The following PDPR variants were observed in gnomAD, a reference collection of about 807,000 sequenced individuals.
PDPR encodes the protein pyruvate dehydrogenase phosphatase regulatory subunit.
PDPR carries 50 observed loss-of-function variants against 102.2 expected under a neutral mutation model. The observed-to-expected ratio is 0.49, with a 90% CI of 0.39 to 0.62. PDPR has a LOEUF of 0.62. PDPR is among the 20% of genes least tolerant of loss of function. PDPR has a pLI of 0.00. For missense variants in PDPR, 625 were observed against 1,098.2 expected (o/e 0.57, Z 6.09); for synonymous variants, 259 against 406.0 (o/e 0.64, Z 4.35).
chr16:70,149,880 T>C (rs1966571089), intron 17 of PDPR, among the ~76,000 whole-genome samples: 1 of 152,182 alleles, frequency 6.6e-6, no homozygotes, highest in African/African-American at 2.4e-5. Context: ...AAGCTCCGCC[T>C]CCCGGGTTCA....
chr16:70,139,417 T>G (rs1219380230), intron 11 of PDPR, among the ~76,000 whole-genome samples: 2 of 152,240 alleles, frequency 1.3e-5, no homozygotes, highest in African/African-American at 4.8e-5. Context: ...ACTTAGTTTT[T>G]GAGAAAATGC....
intron 17 of PDPR, among the ~76,000 whole-genome samples, chr16:70,152,576 G>A (rs2152118873): frequency 6.6e-6 from 1 of 152,404 alleles, no homozygotes; most frequent in Admixed American, 6.5e-5. Flanking sequence ...GTAGATGCCT[G>A]TTCAGCTACA....
At position 70,158,431 on chromosome 16, in the gene PDPR, T is replaced by A. The variant is rs1967456148; in HGVS notation, c.*1552T>A. On this transcript the variant is annotated 3_prime_UTR_variant, in exon 19 of 19. Coordinates refer to ENST00000288050, the MANE Select transcript of PDPR (RefSeq NM_017990.5). ...TCCATTTCATTAGAGCAGCTTAAAA[T>A]GCTCAGGTGTCTGCCTTCTCTGGTG... The A allele has an allele frequency of 6.5e-6, 1 of 153,074 alleles. No homozygotes were observed. Among genetic ancestry groups the A allele is most frequent in the South Asian group, 2.1e-4 (1 of 4,842 alleles). The allele number at this position is 153,074 out of a possible 1,614,324, so 9.5% of individuals were successfully genotyped here. A position where few individuals can be genotyped will look rare whatever the true frequency, so the allele number is the denominator to read the frequency against.
At chr16:70,153,059 T>G (rs924448522) in intron 17 of PDPR, among the ~76,000 whole-genome samples, 69 of 152,356 alleles carry the variant, frequency 4.5e-4, no homozygotes, top group Admixed American at 7.2e-4. Context: ...GTTTTAGAAA[T>G]GATGATGAGA....
intron 2 of PDPR, among the ~76,000 whole-genome samples, chr16:70,119,536 G>A (rs1419951995): frequency 4.7e-5 from 7 of 148,932 alleles, no homozygotes; most frequent in East Asian, 1.9e-4. Context: ...CACACTCCCC[G>A]TGTCGTGTAC....
intron 6 of PDPR, among the ~76,000 whole-genome samples, chr16:70,130,051 G>C (rs1964378954): frequency 6.6e-6 from 1 of 152,254 alleles, no homozygotes; most frequent in South Asian, 2.1e-4. Flanking sequence ...CCAGCACTTT[G>C]GGAGGCCAAG....
At chr16:70,145,241 G>A (rs575509966) in intron 15 of PDPR, among the ~76,000 whole-genome samples, 3 of 152,298 alleles carry the variant, frequency 2.0e-5, no homozygotes, top group African/African-American at 4.8e-5. Context: ...GGGTTCAAGC[G>A]ATTCTTCTGC....
chr16:70,132,844 G>T (rs571887948), intron 9 of PDPR, among the ~76,000 whole-genome samples: 75 of 152,308 alleles, frequency 4.9e-4, no homozygotes, highest in African/African-American at 1.8e-3. Context: ...ATGGCGTCTT[G>T]CCCTGTCACC....
intron 2 of PDPR, among the ~76,000 whole-genome samples, chr16:70,118,909 G>C (rs1479337363): frequency 6.6e-6 from 1 of 152,110 alleles, no homozygotes; most frequent in Non-Finnish European, 1.5e-5. Flanking sequence ...AGTCATCTCT[G>C]ATGGATGGAC....
Position 70,158,271 on chromosome 16 carries a change from G to C in PDPR, c.*1392G>C, listed in dbSNP as rs1967440752. ...TTCATTTTCCCCTTGCATATCAACT[G>C]CCCTAATCTGACTTTTTTTAAGTGC... On this transcript the variant is annotated 3_prime_UTR_variant, in exon 19 of 19. Transcript: ENST00000288050. The C allele has an allele frequency of 6.6e-6, 1 of 152,418 alleles. No individual in the cohort carries two copies. The allele number at this position is 152,418 out of a possible 1,614,324, so 9.4% of individuals were successfully genotyped here.
At chr16:70,116,091 C>T (rs1458822150) in intron 2 of PDPR, among the ~76,000 whole-genome samples, 1 of 147,812 alleles carries the variant, frequency 6.8e-6, no homozygotes, top group South Asian at 2.1e-4. Context: ...CGCCAAGCAC[C>T]CTGGGCTTTT....
intron 15 of PDPR, among the ~76,000 whole-genome samples, chr16:70,145,130 G>C (rs1290830181): frequency 1.3e-5 from 2 of 152,190 alleles, no homozygotes; most frequent in Admixed American, 6.5e-5. Flanking sequence ...GTGCATGCCT[G>C]TAGTCCCAGC....
Position 70,156,923 on chromosome 16 carries a change from G to C in PDPR, c.*44G>C. ...ACCTCCTCCCCATCATCTTGTCCTA[G>C]AGTGGGCGTCACCTTGGAGCTTCTC... On this transcript the variant is annotated 3_prime_UTR_variant, in exon 19 of 19. Transcript: ENST00000288050. 1 of 1,598,378 alleles carries C rather than the reference G, an allele frequency of 6.3e-7. No homozygotes were observed. Among genetic ancestry groups the C allele is most frequent in the East Asian group, 2.3e-5 (1 of 43,908 alleles).
chr16:70,149,862 C>A (rs1036256181), intron 17 of PDPR, among the ~76,000 whole-genome samples: 5 of 152,212 alleles, frequency 3.3e-5, no homozygotes, highest in African/African-American at 1.2e-4. Flanking sequence ...GCAATCTCGG[C>A]TCACTGCAAG....
At chr16:70,133,969 G>A (rs1285058140) in intron 9 of PDPR, among the ~76,000 whole-genome samples, 1 of 152,212 alleles carries the variant, frequency 6.6e-6, no homozygotes, top group Admixed American at 6.5e-5. Flanking sequence ...CTGACCTCAG[G>A]AGATCTGCCC....
chr16:70,133,742 T>TG (rs1294416782), intron 9 of PDPR, among the ~76,000 whole-genome samples: 4 of 69,328 alleles, frequency 5.8e-5, no homozygotes, highest in Non-Finnish European at 1.6e-4. Flanking sequence ...TGTTTTTTTG[T>TG]TTTTTTTTGA....
chr16:70,155,894 C>A (rs1967120676), intron 18 of PDPR, among the ~76,000 whole-genome samples: 1 of 151,972 alleles, frequency 6.6e-6, no homozygotes, highest in African/African-American at 2.4e-5. Flanking sequence ...CCTCTGCCAC[C>A]CAGGTTCAAA....
intron 15 of PDPR, among the ~76,000 whole-genome samples, chr16:70,144,986 G>A (rs2152109422): frequency 6.6e-6 from 1 of 152,104 alleles, no homozygotes; most frequent in Non-Finnish European, 1.5e-5. Flanking sequence ...TGGACACAGT[G>A]GCTTACACCT....
rs1369723307 is a variant in PDPR, at chr16:70,162,300, C to G, written c.*5421C>G. On this transcript the variant is annotated 3_prime_UTR_variant, in exon 19 of 19. Transcript: ENST00000288050. ...TTGTCAATTTGCAGTTCAGCTTAGCCCTTCCCTGTTCCTGTGTAGTTACAA... is the reference window on the plus strand; with the variant it reads ...TTGTCAATTTGCAGTTCAGCTTAGCGCTTCCCTGTTCCTGTGTAGTTACAA... The G allele has an allele frequency of 6.5e-6, 1 of 152,720 alleles. No individual in the cohort carries two copies. Among genetic ancestry groups the G allele is most frequent in the African/African-American group, 2.4e-5 (1 of 41,476 alleles). 9.5% of individuals were successfully genotyped at this position (152,720 alleles called of 1,614,324 possible). A position where few individuals can be genotyped will look rare whatever the true frequency, so the allele number is the denominator to read the frequency against.
Sources: allele counts gnomAD v4.1 joint callset (sites outside exome capture counted in the v4.1 genomes callset), GRCh38; gene constraint gnomAD v4.1.1; transcripts MANE v1.5; gene names NCBI Gene and HGNC (gene_info 2026-07-23, HGNC 2026-07-21).